The following SUPT3H variants were observed in gnomAD, a reference collection of about 807,000 sequenced individuals.
SUPT3H encodes the protein transcription initiation protein SPT3 homolog.
A neutral mutation model predicts 44.3 loss-of-function variants in SUPT3H; 44 were observed. The ratio of observed to expected loss-of-function variants is 0.99; its 90% CI spans 0.78 to 1.28. SUPT3H has a LOEUF of 1.28. Ranked by LOEUF, SUPT3H falls within the 50% of genes most tolerant of loss-of-function variation. The probability of loss-of-function intolerance (pLI) is 0.00; values close to 1 mark genes in which losing one functional copy is unlikely to be tolerated. For missense variants in SUPT3H, 380 were observed against 387.1 expected, an observed-to-expected ratio of 0.98 and a Z score of 0.15; for synonymous variants, 124 against 125.6, an observed-to-expected ratio of 0.99 and a Z score of 0.09.
chr6:45,141,948 T>C (rs1805283249), intron 2 of SUPT3H, among the ~76,000 whole-genome samples: 1 of 152,174 alleles, frequency 6.6e-6, no homozygotes, highest in Non-Finnish European at 1.5e-5. Flanking sequence ...GTCATCAGGT[T>C]ATCTAAAGTC....
At chr6:44,869,820 C>T (rs548795057) in intron 10 of SUPT3H, among the ~76,000 whole-genome samples, 1 of 152,242 alleles carries the variant, frequency 6.6e-6, no homozygotes, top group Non-Finnish European at 1.5e-5. Context: ...CTCATTCACT[C>T]ACCTATCAAT....
intron 2 of SUPT3H, among the ~76,000 whole-genome samples, chr6:45,107,551 A>G (rs1799452586): frequency 6.6e-6 from 1 of 152,212 alleles, no homozygotes; most frequent in Non-Finnish European, 1.5e-5. Flanking sequence ...CTATAAATTC[A>G]CTTCCATGGT....
intron 3 of SUPT3H, among the ~76,000 whole-genome samples, chr6:45,063,522 G>A (rs1312902368): frequency 1.7e-5 from 2 of 119,646 alleles, no homozygotes; most frequent in Non-Finnish European, 3.6e-5. Context: ...AGCTATGGGA[G>A]GACATTCAAA....
intron 2 of SUPT3H, among the ~76,000 whole-genome samples, chr6:45,203,685 C>T (rs1762758163): frequency 6.6e-6 from 1 of 152,178 alleles, no homozygotes; most frequent in Non-Finnish European, 1.5e-5. Flanking sequence ...ATCTATCTTA[C>T]CAGTTTTACT....
chr6:45,341,556 A>C (rs1428618455), intron 2 of SUPT3H, among the ~76,000 whole-genome samples: 2 of 152,214 alleles, frequency 1.3e-5, no homozygotes, highest in Non-Finnish European at 2.9e-5. Flanking sequence ...ATTAGTTTTC[A>C]TTAGAAACAT....
chr6:45,085,956 T>C (rs1796421153), intron 3 of SUPT3H, among the ~76,000 whole-genome samples: 2 of 152,210 alleles, frequency 1.3e-5, no homozygotes, highest in South Asian at 4.1e-4. Context: ...TCAATTATAA[T>C]CCTCCTATAT....
In SUPT3H at chr6:45,328,724, A is replaced by G. The variant is rs1786857978; in HGVS notation, c.101+36477T>C. On this transcript the variant is annotated intron_variant, in intron 2 of 10. Coordinates refer to ENST00000371459, the MANE Select transcript of SUPT3H (RefSeq NM_003599.4). ...GTTCTATCTGAAAAAAAAAGGAGGG[A>G]CTATGGCATCAAACAGCCTCTTCAG... 1.9e-6 allele frequency: 3 copies of G among 1,612,116 alleles called. No individual in the cohort carries two copies. In the East Asian group the frequency reaches 6.7e-5, roughly 36 times the overall value.
intron 2 of SUPT3H, among the ~76,000 whole-genome samples, chr6:45,215,923 A>G (rs181000813): frequency 1.3e-5 from 2 of 152,312 alleles, no homozygotes; most frequent in East Asian, 3.9e-4. Context: ...AAAAACAAGC[A>G]AGACAAGTGT....
At chr6:45,257,252 G>A (rs1210055377) in intron 2 of SUPT3H, among the ~76,000 whole-genome samples, 1 of 152,108 alleles carries the variant, frequency 6.6e-6, no homozygotes, top group Admixed American at 6.5e-5. Flanking sequence ...TTTACCATAA[G>A]AAAAACTAAG....
intron 10 of SUPT3H, among the ~76,000 whole-genome samples, chr6:44,909,194 T>C (rs1033529696): frequency 4.0e-5 from 6 of 151,600 alleles, no homozygotes; most frequent in Admixed American, 2.6e-4. Flanking sequence ...TTTTGGGAAT[T>C]TTTTCTATAT....
chr6:44,935,124 T>C (rs1019392462), intron 9 of SUPT3H, among the ~76,000 whole-genome samples: 1 of 152,200 alleles, frequency 6.6e-6, no homozygotes, highest in Non-Finnish European at 1.5e-5. Flanking sequence ...GATTTGCTCA[T>C]TGAGTTCTCC....
chr6:45,256,315 C>A (rs1773398806), intron 2 of SUPT3H, among the ~76,000 whole-genome samples: 1 of 152,136 alleles, frequency 6.6e-6, no homozygotes, highest in African/African-American at 2.4e-5. Context: ...ACTGGGAAGT[C>A]CTAAACCAAG....
chr6:44,879,885 T>A (rs915073175), intron 10 of SUPT3H, among the ~76,000 whole-genome samples: 9 of 151,870 alleles, frequency 5.9e-5, no homozygotes, highest in Non-Finnish European at 1.0e-4. Context: ...AGCATCAACA[T>A]CAACAAAAAG....
chr6:44,859,029 T>C (rs1240506183), intron 10 of SUPT3H, among the ~76,000 whole-genome samples: 1 of 152,196 alleles, frequency 6.6e-6, no homozygotes, highest in Non-Finnish European at 1.5e-5. Context: ...CAGGGTTAAT[T>C]TGGATTGGGC....
chr6:45,217,256 C>T (rs530680140), intron 2 of SUPT3H, among the ~76,000 whole-genome samples: 3 of 152,128 alleles, frequency 2.0e-5, no homozygotes, highest in African/African-American at 7.2e-5. Context: ...GCAGGTGAAT[C>T]ACAAGGTCAG....
At chr6:45,079,094 AG>A (rs960483066) in intron 3 of SUPT3H, among the ~76,000 whole-genome samples, 4 of 152,080 alleles carry the variant, frequency 2.6e-5, no homozygotes, top group African/African-American at 4.8e-5. Context: ...GTGGATCACT[AG>A]GTAAGGAGAT....
intron 2 of SUPT3H, among the ~76,000 whole-genome samples, chr6:45,223,848 A>G (rs1183716820): frequency 6.6e-6 from 1 of 151,334 alleles, no homozygotes; most frequent in African/African-American, 2.4e-5. Flanking sequence ...CTAAATTACT[A>G]GTTTATTTTA....
At position 45,020,457 on chromosome 6, in the gene SUPT3H, A is replaced by G. The variant is rs1380967711; in HGVS notation, c.273+89T>C. 3 of 903,510 alleles carry G rather than the reference A, an allele frequency of 3.3e-6. No homozygotes were observed. In the East Asian group the frequency reaches 8.0e-5, roughly 24 times the overall value. The allele number at this position is 903,510 out of a possible 1,614,324, so 56.0% of individuals were successfully genotyped here. A position where few individuals can be genotyped will look rare whatever the true frequency, so the allele number is the denominator to read the frequency against. On this transcript the variant is annotated intron_variant, in intron 4 of 10. Coordinates refer to ENST00000371459, the MANE Select transcript of SUPT3H (RefSeq NM_003599.4). ...TTCAATAGTTATTATTTTAATTTGA[A>G]AGGTACATAACAAGGATATATAGTT...
At chr6:45,099,340 T>C (rs976375783) in intron 3 of SUPT3H, 4 of 73,232 alleles carry the variant, frequency 5.5e-5, no homozygotes, top group Admixed American at 3.8e-4. Flanking sequence ...TTGGAATAAA[T>C]GTGTTTTTCT....
Sources: allele counts gnomAD v4.1 joint callset (sites outside exome capture counted in the v4.1 genomes callset), GRCh38; gene constraint gnomAD v4.1.1; transcripts MANE v1.5; gene names NCBI Gene and HGNC (gene_info 2026-07-23, HGNC 2026-07-21).